PRP4K: variants seen among roughly 807,000 people sequenced by gnomAD.
PRP4K encodes serine/threonine-protein kinase PRP4 homolog.
chr6:4,042,783 C>T, the PRP4K span, among the ~76,000 whole-genome samples: 1 of 152,128 alleles, frequency 6.6e-6, no homozygotes, highest in African/African-American at 2.4e-5. Flanking sequence ...GTTGTTTATA[C>T]ATAGAATTCT....
the PRP4K span, among the ~76,000 whole-genome samples, chr6:4,045,464 C>T: frequency 2.6e-5 from 4 of 152,184 alleles, no homozygotes; most frequent in African/African-American, 7.2e-5. Context: ...GCCATTTAGA[C>T]ATCACAGCAC....
the PRP4K span, among the ~76,000 whole-genome samples, chr6:4,028,139 C>T: frequency 5.3e-5 from 8 of 152,150 alleles, no homozygotes; most frequent in African/African-American, 1.9e-4. Context: ...AATCTTTTTA[C>T]TGAAATCTAT....
the PRP4K span, among the ~76,000 whole-genome samples, chr6:4,059,483 A>G: frequency 4.4e-4 from 67 of 152,280 alleles, no homozygotes; most frequent in African/African-American, 1.6e-3. Flanking sequence ...TCCCATTATT[A>G]TAGCATATGT....
chr6:4,042,775 T>G, the PRP4K span, among the ~76,000 whole-genome samples: 446 of 152,342 alleles, frequency 2.9e-3, 7 homozygotes, highest in East Asian at 0.038. Context: ...GAATTCTGGT[T>G]GTTTATACAT....
At chr6:4,062,839 G>A in the PRP4K span, 2 of 152,564 alleles carry the variant, frequency 1.3e-5, no homozygotes, top group African/African-American at 4.8e-5. The surrounding 1 kb of genome is among the most constrained non-coding windows in gnomAD (Gnocchi z 4.2). Context: ...AATGAAATGG[G>A]TAGTGATTTT....
At chr6:4,043,248 G>A in the PRP4K span, among the ~76,000 whole-genome samples, 108 of 152,280 alleles carry the variant, frequency 7.1e-4, 3 homozygotes, top group South Asian at 0.019. Flanking sequence ...AAGGAAGTAG[G>A]GCAAAACTAA....
chr6:4,028,864 T>C, the PRP4K span, among the ~76,000 whole-genome samples: 2 of 152,058 alleles, frequency 1.3e-5, no homozygotes, highest in African/African-American at 4.8e-5. Context: ...CCAGCAAGTT[T>C]ATTCAAGACT....
the PRP4K span, chr6:4,040,845 A>C: frequency 5.2e-5 from 84 of 1,614,070 alleles, no homozygotes; most frequent in African/African-American, 9.9e-4. Context: ...ACGAAGGAGC[A>C]GAAGCAAAGT....
the PRP4K span, chr6:4,049,451 C>T: frequency 7.0e-5 from 33 of 471,478 alleles, no homozygotes; most frequent in Admixed American, 5.8e-4. Flanking sequence ...GCCAGTCATG[C>T]GGTATTTGTC....
the PRP4K span, among the ~76,000 whole-genome samples, chr6:4,034,977 T>G: frequency 6.6e-6 from 1 of 152,056 alleles, no homozygotes; most frequent in East Asian, 1.9e-4. Context: ...TCCCAAAGTG[T>G]TGGGATTACA....
chr6:4,038,189 T>C, the PRP4K span, among the ~76,000 whole-genome samples: 1 of 152,222 alleles, frequency 6.6e-6, no homozygotes, highest in Non-Finnish European at 1.5e-5. Context: ...AAGGCTTATA[T>C]TATAGCCATC....
the PRP4K span, chr6:4,052,665 CCATTTTG>C: frequency 1.4e-6 from 2 of 1,384,752 alleles, no homozygotes; most frequent in Non-Finnish European, 1.9e-6. Context: ...TTTTATATTT[CCATTTTG>C]CATTTTAACT....
the PRP4K span, among the ~76,000 whole-genome samples, chr6:4,030,968 A>G: frequency 3.4e-3 from 521 of 152,320 alleles, 4 homozygotes; most frequent in African/African-American, 0.012. Context: ...TATTTTGGGT[A>G]TAGCTCAGTA....
the PRP4K span, chr6:4,049,648 T>G: frequency 7.3e-7 from 1 of 1,361,884 alleles, no homozygotes; most frequent in Non-Finnish European, 1.0e-6. Flanking sequence ...TTTAACACAA[T>G]TTTTAAATGA....
the PRP4K span, chr6:4,058,873 A>G: frequency 7.6e-7 from 1 of 1,312,962 alleles, no homozygotes; most frequent in Admixed American, 2.3e-5. Context: ...GTACTAAATC[A>G]TACGAGCTGG....
chr6:4,055,041 G>A, the PRP4K span, among the ~76,000 whole-genome samples: 11 of 152,230 alleles, frequency 7.2e-5, no homozygotes, highest in African/African-American at 2.6e-4. Flanking sequence ...CCTTAATGAC[G>A]GAGCTGATTT....
chr6:4,045,528 A>G, the PRP4K span, among the ~76,000 whole-genome samples: 4 of 152,238 alleles, frequency 2.6e-5, no homozygotes, highest in East Asian at 3.8e-4. Flanking sequence ...GTTAGGAAGT[A>G]GATACTCTTT....
chr6:4,035,633 G>A, the PRP4K span, among the ~76,000 whole-genome samples: 4 of 152,066 alleles, frequency 2.6e-5, no homozygotes, highest in South Asian at 2.1e-4. Context: ...TCTGTATACC[G>A]TGCTGAAACA....
chr6:4,056,612 T>G, the PRP4K span: 1 of 1,586,932 alleles, frequency 6.3e-7, no homozygotes. Flanking sequence ...GACAGGAGTC[T>G]TGATCATGTC....
Sources: gnomAD v4.1 joint callset for allele counts (sites outside exome capture counted in the v4.1 genomes callset) on GRCh38, gnomAD v4.1.1 for gene constraint, Gnocchi (gnomAD v3.1) non-coding constraint, MANE v1.5 for transcripts, NCBI Gene and HGNC (gene_info 2026-07-23, HGNC 2026-07-21) for gene names.